Variants in TENM2 observed in about 807,000 individuals in gnomAD.
TENM2 encodes the protein teneurin transmembrane protein 2, also known as teneurin-2.
A neutral mutation model predicts 245.2 loss-of-function variants in TENM2; 52 were observed. The observed-to-expected ratio is 0.21, with a 90% CI of 0.17 to 0.27. The LOEUF (loss-of-function observed/expected upper bound fraction) is 0.27. Ranked by LOEUF, TENM2 falls within the 10% of genes least tolerant of loss-of-function variation. TENM2 has a pLI of 1.00. For missense variants in TENM2, 3,046 were observed against 3,666.8 expected (o/e 0.83, Z 4.37); for synonymous variants, 1,363 against 1,438.9 (o/e 0.95, Z 1.19).
chr5:167,781,557 C>T (rs1056430926), intron 2 of TENM2, among the ~76,000 whole-genome samples: 9 of 152,118 alleles, frequency 5.9e-5, no homozygotes, highest in Middle Eastern at 3.4e-3. Flanking sequence ...TAGCTGAGAG[C>T]GAGTTTAACA....
At chr5:167,183,572 T>C in the TENM2 span, among the ~76,000 whole-genome samples, 2 of 152,214 alleles carry the variant, frequency 1.3e-5, no homozygotes, top group Admixed American at 6.5e-5. Context: ...TTTAGGTTTC[T>C]TGTTGTTTAC....
At chr5:167,335,275 ACTCACTC>A (rs1374594010) in intron 1 of TENM2, among the ~76,000 whole-genome samples, 1 of 152,078 alleles carries the variant, frequency 6.6e-6, no homozygotes, top group East Asian at 1.9e-4. Context: ...TCTCATGAGA[ACTCACTC>A]ACTGTTGTGA....
intron 2 of TENM2, among the ~76,000 whole-genome samples, chr5:167,786,205 A>G (rs1297927829): frequency 1.3e-5 from 2 of 152,228 alleles, no homozygotes; most frequent in Admixed American, 6.5e-5. Flanking sequence ...CCTCTGCAGA[A>G]TGCTATTGTT....
chr5:167,019,800 T>C, the TENM2 span, among the ~76,000 whole-genome samples: 4 of 152,062 alleles, frequency 2.6e-5, no homozygotes, highest in Non-Finnish European at 1.5e-5. Flanking sequence ...ACAAATTCTA[T>C]GAAGATTTGG....
At chr5:167,909,539 T>A (rs1439838671) in intron 3 of TENM2, among the ~76,000 whole-genome samples, 1 of 152,256 alleles carries the variant, frequency 6.6e-6, no homozygotes, top group African/African-American at 2.4e-5. Flanking sequence ...GTGTGGTCAT[T>A]AATTCTTATT....
intron 1 of TENM2, among the ~76,000 whole-genome samples, chr5:167,295,575 C>G (rs1457201511): frequency 1.3e-5 from 2 of 152,116 alleles, no homozygotes; most frequent in African/African-American, 4.8e-5. Flanking sequence ...ACTGCCCCAC[C>G]CACTGATGAA....
chr5:167,963,233 T>C (rs530135835), intron 4 of TENM2, among the ~76,000 whole-genome samples: 1 of 152,320 alleles, frequency 6.6e-6, no homozygotes, highest in South Asian at 2.1e-4. Flanking sequence ...AAGTCAGATA[T>C]GATAGCATAT....
the TENM2 span, among the ~76,000 whole-genome samples, chr5:166,988,090 G>T: frequency 6.6e-6 from 1 of 152,178 alleles, no homozygotes; most frequent in African/African-American, 2.4e-5. Flanking sequence ...GTGCTTGGCG[G>T]CACTGACCCT....
the TENM2 span, among the ~76,000 whole-genome samples, chr5:167,103,064 G>A: frequency 2.5e-3 from 382 of 152,302 alleles, no homozygotes; most frequent in African/African-American, 7.9e-3. Context: ...TCAAGACTGA[G>A]TTAAACATGT....
At chr5:167,954,281 T>C (rs1228174016) in intron 4 of TENM2, among the ~76,000 whole-genome samples, 1 of 152,156 alleles carries the variant, frequency 6.6e-6, no homozygotes, top group Non-Finnish European at 1.5e-5. Flanking sequence ...TCTGTTTGAC[T>C]CTTAATCCAA....
At chr5:167,485,967 C>T (rs889687482) in intron 2 of TENM2, among the ~76,000 whole-genome samples, 6 of 152,074 alleles carry the variant, frequency 3.9e-5, no homozygotes, top group African/African-American at 1.2e-4. Context: ...ATTATACATA[C>T]ACACTTGTAA....
the TENM2 span, among the ~76,000 whole-genome samples, chr5:166,998,119 G>C: frequency 8.0e-4 from 121 of 152,176 alleles, no homozygotes; most frequent in Middle Eastern, 3.4e-3. Flanking sequence ...AGCACTTATT[G>C]GATCTTTTCA....
chr5:167,912,467 T>C lies in TENM2; in HGVS notation c.712+36272T>C, dbSNP rs538100219. ...CCAGGCTTTCCCAGTTCATTGTTGT[T>C]CTCCAGCAGGTAGTACAGTGGTAGC... is the stretch of plus-strand genomic sequence containing the variant. On this transcript the variant is annotated intron_variant, in intron 3 of 28. Transcript: ENST00000518659. Among the ~76,000 whole-genome samples, 55 of 152,342 alleles carry C rather than the reference T, an allele frequency of 3.6e-4. 1 individual carries two copies. Among genetic ancestry groups the C allele is most frequent in the African/African-American group, 1.3e-3 (54 of 41,584 alleles).
intron 2 of TENM2, among the ~76,000 whole-genome samples, chr5:167,656,436 T>C (rs2150307958): frequency 6.6e-6 from 1 of 152,224 alleles, no homozygotes; most frequent in East Asian, 1.9e-4. Flanking sequence ...AGAAGGCCAG[T>C]ATGCCTGGGA....
At chr5:167,218,505 T>C in the TENM2 span, among the ~76,000 whole-genome samples, 1 of 152,262 alleles carries the variant, frequency 6.6e-6, no homozygotes, top group Non-Finnish European at 1.5e-5. Context: ...GGAGCTGCCG[T>C]CTTCTGGGTT....
At chr5:168,139,490 T>C (rs1755346438) in intron 12 of TENM2, 1 of 456,358 alleles carries the variant, frequency 2.2e-6, no homozygotes, top group Admixed American at 2.4e-5. Flanking sequence ...GTGGAATTAC[T>C]GGCAAAGGCT....
At chr5:167,478,260 T>C (rs1767526488) in intron 2 of TENM2, among the ~76,000 whole-genome samples, 1 of 152,198 alleles carries the variant, frequency 6.6e-6, no homozygotes, top group African/African-American at 2.4e-5. Context: ...TGTTTCCTCA[T>C]CTTCTTTTCT....
the TENM2 span, among the ~76,000 whole-genome samples, chr5:167,211,755 A>G: frequency 6.6e-6 from 1 of 151,560 alleles, no homozygotes; most frequent in African/African-American, 2.4e-5. Context: ...AGGTTTATAG[A>G]TTTTTTTTTC....
At chr5:167,591,622 T>C (rs1775882670) in intron 2 of TENM2, among the ~76,000 whole-genome samples, 1 of 152,218 alleles carries the variant, frequency 6.6e-6, no homozygotes, top group Non-Finnish European at 1.5e-5. Context: ...TATTATACAA[T>C]TATCATACAT....
Sources: gnomAD v4.1 joint callset for allele counts (sites outside exome capture counted in the v4.1 genomes callset) on GRCh38, gnomAD v4.1.1 for gene constraint, MANE v1.5 for transcripts, NCBI Gene and HGNC (gene_info 2026-07-23, HGNC 2026-07-21) for gene names.